Variants in EHMT1 observed in about 807,000 individuals in gnomAD.
The protein encoded by EHMT1 is histone-lysine N-methyltransferase EHMT1.
EHMT1 carries 15 observed loss-of-function variants against 147.2 expected under a neutral mutation model. The observed-to-expected ratio is 0.10, with a 90% CI of 0.07 to 0.16. The LOEUF (loss-of-function observed/expected upper bound fraction) is 0.16. EHMT1 is among the 10% of genes least tolerant of loss of function. The pLI is 1.00. For missense variants in EHMT1, 1,587 were observed against 1,772.4 expected (o/e 0.90, Z 1.88); for synonymous variants, 795 against 709.6 (o/e 1.12, Z -1.91).
Position 137,669,251 on chromosome 9 carries a change from G to A in EHMT1, c.22-41716G>A, listed in dbSNP as rs1299494040. ...CCCTCTCGCACCCTGCACCCTTCTC[G>A]CCCAGTGCTTACTGCTTGCTGGGTG... On this transcript the variant is annotated intron_variant, in intron 1 of 26. Coordinates refer to ENST00000460843, the MANE Select transcript of EHMT1 (RefSeq NM_024757.5). Among the ~76,000 whole-genome samples, 3 of 149,612 alleles carry A rather than the reference G, an allele frequency of 2.0e-5. No individual in the cohort carries two copies. The Admixed American group carries it at 2.0e-4, about 10-fold the overall frequency.
At chr9:137,667,691 A>T (rs1397844459) in intron 1 of EHMT1, among the ~76,000 whole-genome samples, 1 of 152,156 alleles carries the variant, frequency 6.6e-6, no homozygotes, top group Non-Finnish European at 1.5e-5. Flanking sequence ...AATAACCAAG[A>T]GGAAAAGTTC....
At chr9:137,829,872 C>T (rs1191701265) in intron 25 of EHMT1, among the ~76,000 whole-genome samples, 1 of 152,250 alleles carries the variant, frequency 6.6e-6, no homozygotes, top group Non-Finnish European at 1.5e-5. Context: ...CTCGACTGGC[C>T]ACCCCGAGCA....
chr9:137,781,166 TGTG>T (rs200540142), intron 14 of EHMT1, among the ~76,000 whole-genome samples: 2 of 78,914 alleles, frequency 2.5e-5, no homozygotes, highest in Non-Finnish European at 4.3e-5. Flanking sequence ...CGCTGAGACG[TGTG>T]GTGATGACGC....
At chr9:137,632,745 C>T (rs185006935) in intron 1 of EHMT1, among the ~76,000 whole-genome samples, 177 of 152,226 alleles carry the variant, frequency 1.2e-3, no homozygotes, top group African/African-American at 4.2e-3. Context: ...CCACTGTGCC[C>T]GGCCTAGACC....
chr9:137,753,029 T>G (rs1001477463), intron 7 of EHMT1, among the ~76,000 whole-genome samples: 13 of 151,826 alleles, frequency 8.6e-5, no homozygotes, highest in Admixed American at 2.0e-4. Context: ...CTGCGGGAAT[T>G]GGGTGTTGGA....
At chr9:137,650,336 C>T (rs923316796) in intron 1 of EHMT1, among the ~76,000 whole-genome samples, 1 of 152,082 alleles carries the variant, frequency 6.6e-6, no homozygotes, top group Non-Finnish European at 1.5e-5. Flanking sequence ...TGGGCTCAAG[C>T]GATCTGCTCA....
intron 1 of EHMT1, among the ~76,000 whole-genome samples, chr9:137,640,347 T>C (rs1023338870): frequency 6.6e-6 from 1 of 152,196 alleles, no homozygotes; most frequent in Non-Finnish European, 1.5e-5. Context: ...GGCGTGATCA[T>C]AGCTCACTGC....
At chr9:137,749,474 G>T (rs976370504) in intron 6 of EHMT1, among the ~76,000 whole-genome samples, 2 of 151,938 alleles carry the variant, frequency 1.3e-5, no homozygotes, top group African/African-American at 4.8e-5. Context: ...TAGAGATGAG[G>T]TTCTCTCAGT....
chr9:137,703,857 C>G (rs1350734677), intron 1 of EHMT1, among the ~76,000 whole-genome samples: 1 of 152,076 alleles, frequency 6.6e-6, no homozygotes, highest in Non-Finnish European at 1.5e-5. Flanking sequence ...TACCAATTTT[C>G]TGTATTAGTC....
chr9:137,783,177 C>T (rs1025288082), intron 15 of EHMT1, among the ~76,000 whole-genome samples: 3 of 152,242 alleles, frequency 2.0e-5, no homozygotes, highest in African/African-American at 7.2e-5. Flanking sequence ...CAGAAATCCA[C>T]ACCTGTCAGT....
chr9:137,662,916 C>G (rs1939239580), intron 1 of EHMT1, among the ~76,000 whole-genome samples: 1 of 152,006 alleles, frequency 6.6e-6, no homozygotes, highest in Admixed American at 6.6e-5. Context: ...GCCTCACCCT[C>G]TTGGGTAGCT....
Position 137,716,985 on chromosome 9 carries a change from G to A in EHMT1, c.445G>A (p.Gly149Ser), listed in dbSNP as rs773115118. ...CAGCACTCTGGCCTCTTCGCTGCCT[G>A]GCCATGCTGCAAAAACCCTTCCTGG... ...TTSTLASSLP[G>S]HAAKTLPGGA... The change falls in exon 3 of 27, where the codon GGC (glycine) becomes AGC (serine). Residue 149 changes from glycine (G) to serine (S), a missense_variant. Gly to Ser is a moderately conservative substitution (Grantham distance 56, BLOSUM62 0). Coordinates refer to ENST00000460843, the MANE Select transcript of EHMT1 (RefSeq NM_024757.5). 2.5e-6 allele frequency: 4 copies of A among 1,608,870 alleles called. No individual in the cohort carries two copies. The highest frequency in any genetic ancestry group is 1.1e-5 in the South Asian group (1 of 91,054).
At chr9:137,793,764 C>T (rs1267351069) in intron 16 of EHMT1, among the ~76,000 whole-genome samples, 3 of 152,166 alleles carry the variant, frequency 2.0e-5, no homozygotes, top group East Asian at 3.8e-4. Flanking sequence ...CGAGGACATT[C>T]TGCTGAGGGA....
intron 3 of EHMT1, among the ~76,000 whole-genome samples, chr9:137,719,049 G>A (rs918963166): frequency 6.6e-6 from 1 of 151,996 alleles, no homozygotes; most frequent in Non-Finnish European, 1.5e-5. Context: ...CACCGCGCCC[G>A]GCCTGATTAG....
At chr9:137,678,456 C>A (rs941390864) in intron 1 of EHMT1, among the ~76,000 whole-genome samples, 4 of 152,138 alleles carry the variant, frequency 2.6e-5, no homozygotes, top group Non-Finnish European at 5.9e-5. Flanking sequence ...TTTTCTCCCT[C>A]CGTTGTCACG....
chr9:137,660,806 A>T (rs887876196), intron 1 of EHMT1, among the ~76,000 whole-genome samples: 2 of 152,208 alleles, frequency 1.3e-5, no homozygotes, highest in African/African-American at 4.8e-5. Context: ...TGATTCTCTG[A>T]TGCCATCGTA....
At chr9:137,674,572 A>G (rs905575604) in intron 1 of EHMT1, among the ~76,000 whole-genome samples, 2 of 152,224 alleles carry the variant, frequency 1.3e-5, no homozygotes, top group Non-Finnish European at 2.9e-5. Context: ...TGCCTCCTGC[A>G]GTCTGCCTAC....
intron 1 of EHMT1, among the ~76,000 whole-genome samples, chr9:137,705,127 C>G (rs1237759216): frequency 6.6e-6 from 1 of 152,056 alleles, no homozygotes; most frequent in Non-Finnish European, 1.5e-5. Flanking sequence ...GTAGCTGGGA[C>G]TACAGGTGTG....
chr9:137,683,863 C>T (rs978929471), intron 1 of EHMT1, among the ~76,000 whole-genome samples: 1 of 151,944 alleles, frequency 6.6e-6, no homozygotes, highest in African/African-American at 2.4e-5. Context: ...ATGTCCCTAC[C>T]TACCCCCTCA....
Sources: gnomAD v4.1 joint callset for allele counts (sites outside exome capture counted in the v4.1 genomes callset) on GRCh38, gnomAD v4.1.1 for gene constraint, MANE v1.5 for transcripts, NCBI Gene and HGNC (gene_info 2026-07-23, HGNC 2026-07-21) for gene names.